The following KHDRBS2 variants were observed in gnomAD, a reference collection of about 807,000 sequenced individuals.
KHDRBS2 encodes KH domain-containing, RNA-binding, signal transduction-associated protein 2.
A neutral mutation model predicts 44.3 loss-of-function variants in KHDRBS2; 26 were observed. The ratio of observed to expected loss-of-function variants is 0.59; its 90% CI spans 0.43 to 0.81. The LOEUF is 0.81. Among genes scored for constraint, KHDRBS2 ranks in the 40% least tolerant of loss-of-function variants. KHDRBS2 has a pLI of 0.00. For synonymous variants in KHDRBS2, 194 were observed against 151.1 expected (o/e 1.28, Z -2.08); for missense variants, 476 against 433.1 (o/e 1.10, Z -0.88).
intron 7 of KHDRBS2, among the ~76,000 whole-genome samples, chr6:61,714,510 G>T (rs1013622957): frequency 2.0e-5 from 3 of 151,750 alleles, no homozygotes; most frequent in African/African-American, 7.2e-5. Flanking sequence ...AAATAGAACT[G>T]CCATTTGATA....
intron 2 of KHDRBS2, among the ~76,000 whole-genome samples, chr6:62,112,931 C>G (rs190255115): frequency 1.4e-3 from 209 of 152,110 alleles, no homozygotes; most frequent in Non-Finnish European, 2.4e-3. Context: ...TGTGTTGGCT[C>G]TCTCTTCATC....
chr6:61,954,221 G>C (rs1163674602), intron 4 of KHDRBS2, among the ~76,000 whole-genome samples: 6 of 151,888 alleles, frequency 4.0e-5, no homozygotes, highest in Admixed American at 6.6e-5. Flanking sequence ...TGATAACTCA[G>C]TCAATAGGGA....
intron 6 of KHDRBS2, among the ~76,000 whole-genome samples, chr6:61,790,372 A>C (rs936131273): frequency 1.3e-5 from 2 of 150,748 alleles, no homozygotes; most frequent in Non-Finnish European, 3.0e-5. Context: ...TAAAGAAGTT[A>C]ATCAAAGCTT....
chr6:61,986,650 T>C (rs935968782), intron 3 of KHDRBS2, among the ~76,000 whole-genome samples: 3 of 152,188 alleles, frequency 2.0e-5, no homozygotes, highest in African/African-American at 7.2e-5. Context: ...CAACAGACAT[T>C]TATTTTTCAT....
At chr6:61,954,116 C>A (rs1464961907) in intron 4 of KHDRBS2, among the ~76,000 whole-genome samples, 4 of 152,100 alleles carry the variant, frequency 2.6e-5, no homozygotes, top group Admixed American at 6.6e-5. Context: ...CAGAGTGCCA[C>A]AAGGCATAAC....
intron 1 of KHDRBS2, among the ~76,000 whole-genome samples, chr6:62,276,001 C>A (rs1351087986): frequency 6.6e-6 from 1 of 152,156 alleles, no homozygotes; most frequent in Admixed American, 6.5e-5. Context: ...TCTTCTCATT[C>A]AGCCTCTTTA....
the KHDRBS2 span, among the ~76,000 whole-genome samples, chr6:61,559,625 A>G: frequency 6.6e-6 from 1 of 152,160 alleles, no homozygotes; most frequent in African/African-American, 2.4e-5. Flanking sequence ...ATAATATTTT[A>G]TAACCCACTA....
At chr6:61,584,265 G>A in the KHDRBS2 span, among the ~76,000 whole-genome samples, 11 of 151,820 alleles carry the variant, frequency 7.2e-5, no homozygotes, top group Non-Finnish European at 1.6e-4. Context: ...TAGAAGTGAT[G>A]AAAGTATACA....
chr6:61,761,189 C>T (rs1479982115), intron 6 of KHDRBS2, among the ~76,000 whole-genome samples: 1 of 152,090 alleles, frequency 6.6e-6, no homozygotes, highest in Non-Finnish European at 1.5e-5. Flanking sequence ...AGATGTAATG[C>T]CTGTCTGATG....
At chr6:62,096,113 G>C (rs1325561281) in intron 2 of KHDRBS2, among the ~76,000 whole-genome samples, 2 of 151,870 alleles carry the variant, frequency 1.3e-5, no homozygotes, top group African/African-American at 4.8e-5. Context: ...TTTGGATTTG[G>C]TTTGCTAGTA....
At chr6:61,753,422 C>G (rs1778037826) in intron 6 of KHDRBS2, among the ~76,000 whole-genome samples, 1 of 152,098 alleles carries the variant, frequency 6.6e-6, no homozygotes. Context: ...GAGCATTTCT[C>G]AGATAAAAGA....
chr6:62,216,743 T>C (rs1189573070), intron 1 of KHDRBS2, among the ~76,000 whole-genome samples: 1 of 148,108 alleles, frequency 6.8e-6, no homozygotes, highest in Non-Finnish European at 1.5e-5. Flanking sequence ...TTTCTCCCAA[T>C]GAGAGAAGTA....
the KHDRBS2 span, among the ~76,000 whole-genome samples, chr6:61,543,276 A>G: frequency 6.6e-6 from 1 of 151,978 alleles, no homozygotes; most frequent in Non-Finnish European, 1.5e-5. Context: ...AAAATCTCAT[A>G]ATCTGATTTT....
chr6:61,924,461 C>T (rs746350393), intron 4 of KHDRBS2, among the ~76,000 whole-genome samples: 4 of 151,926 alleles, frequency 2.6e-5, no homozygotes, highest in Admixed American at 1.3e-4. Flanking sequence ...AATCAGGTTA[C>T]AATAAGTCAA....
chr6:61,969,591 C>T (rs984636917), intron 4 of KHDRBS2, among the ~76,000 whole-genome samples: 2 of 151,894 alleles, frequency 1.3e-5, no homozygotes, highest in African/African-American at 4.8e-5. Context: ...ATTCTGAAAC[C>T]TATCCTGGCT....
intron 1 of KHDRBS2, among the ~76,000 whole-genome samples, chr6:62,246,102 T>TTTTATATA (rs1434888553): frequency 8.9e-4 from 111 of 124,342 alleles, no homozygotes; most frequent in African/African-American, 3.0e-3. Context: ...TCAATCAATT[T>TTTTATATA]TATATATATA....
intron 6 of KHDRBS2, among the ~76,000 whole-genome samples, chr6:61,887,572 TC>T (rs1316028550): frequency 1.3e-5 from 2 of 152,190 alleles, no homozygotes; most frequent in Non-Finnish European, 2.9e-5. Flanking sequence ...CTGTTTCTTG[TC>T]AGGCCAGCTG....
At chr6:62,113,079 A>G (rs570986718) in intron 2 of KHDRBS2, among the ~76,000 whole-genome samples, 2 of 152,252 alleles carry the variant, frequency 1.3e-5, no homozygotes, top group East Asian at 3.9e-4. Context: ...GAAGCTGCCC[A>G]GTGAATGGAT....
intron 3 of KHDRBS2, among the ~76,000 whole-genome samples, chr6:61,990,954 C>T (rs577813314): frequency 5.4e-4 from 82 of 152,250 alleles, no homozygotes; most frequent in South Asian, 1.5e-3. Context: ...GTGATCCATC[C>T]GCCTTGGCCT....
Sources: gnomAD v4.1 joint callset for allele counts (sites outside exome capture counted in the v4.1 genomes callset) on GRCh38, gnomAD v4.1.1 for gene constraint, MANE v1.5 for transcripts, NCBI Gene and HGNC (gene_info 2026-07-23, HGNC 2026-07-21) for gene names.